SCAPER: variants seen among roughly 807,000 people sequenced by gnomAD.
SCAPER encodes the protein S phase cyclin A-associated protein in the endoplasmic reticulum.
Under a neutral mutation model 182.2 loss-of-function variants are expected in SCAPER, and 98 were observed. That is an observed-to-expected ratio of 0.54 (90% CI 0.46 to 0.64). SCAPER has a LOEUF of 0.64. Ranked by LOEUF, SCAPER falls within the 30% of genes least tolerant of loss-of-function variation. The pLI, the probability that SCAPER is intolerant of heterozygous loss-of-function variation, is 0.00. For synonymous variants in SCAPER, 605 were observed against 564.6 expected (o/e 1.07, Z -1.01); for missense variants, 1,432 against 1,690.0 (o/e 0.85, Z 2.68).
At chr15:76,469,225 C>G (rs1020400605) in intron 25 of SCAPER, among the ~76,000 whole-genome samples, 7 of 152,084 alleles carry the variant, frequency 4.6e-5, no homozygotes, top group South Asian at 2.1e-4. Context: ...ATTCCACTAC[C>G]AACATAGAAT....
intron 25 of SCAPER, among the ~76,000 whole-genome samples, chr15:76,464,131 C>T (rs1040610868): frequency 6.7e-6 from 1 of 149,850 alleles, no homozygotes; most frequent in East Asian, 2.0e-4. Flanking sequence ...TTTTTCATCT[C>T]ACTTGACTGA....
intron 27 of SCAPER, 74 bp downstream of exon 27, chr15:76,404,450 T>C (rs2044679422): frequency 7.1e-7 from 1 of 1,414,430 alleles, no homozygotes; most frequent in Non-Finnish European, 9.5e-7. Flanking sequence ...TCCTATGAAA[T>C]GACCCTAGAA....
chr15:76,532,932 A>G (rs1310910174), intron 23 of SCAPER, among the ~76,000 whole-genome samples: 1 of 152,232 alleles, frequency 6.6e-6, no homozygotes, highest in African/African-American at 2.4e-5. Flanking sequence ...TTTAACACTT[A>G]TTTAGCCCTA....
intron 20 of SCAPER, among the ~76,000 whole-genome samples, chr15:76,690,279 C>T (rs2058281937): frequency 6.6e-6 from 1 of 152,012 alleles, no homozygotes; most frequent in African/African-American, 2.4e-5. Context: ...AAATATACTT[C>T]AAGTCATCAG....
chr15:76,716,985 CT>C (rs1352356656), intron 17 of SCAPER, among the ~76,000 whole-genome samples: 1 of 151,948 alleles, frequency 6.6e-6, no homozygotes, highest in Non-Finnish European at 1.5e-5. Context: ...TATAATCAAA[CT>C]GGCAAAAGTG....
chr15:76,640,079 G>C (rs1207236227), intron 21 of SCAPER, among the ~76,000 whole-genome samples: 1 of 152,126 alleles, frequency 6.6e-6, no homozygotes, highest in Non-Finnish European at 1.5e-5. Context: ...TATATTAATT[G>C]CAATAATAAT....
intron 25 of SCAPER, among the ~76,000 whole-genome samples, chr15:76,441,078 C>T (rs1005710961): frequency 7.3e-5 from 11 of 151,722 alleles, no homozygotes; most frequent in Admixed American, 4.6e-4. Flanking sequence ...CCCGCCACCA[C>T]GCCCGGCTAA....
chr15:76,377,590 T>C (rs150893512), intron 28 of SCAPER, among the ~76,000 whole-genome samples: 35 of 152,304 alleles, frequency 2.3e-4, no homozygotes, highest in African/African-American at 7.5e-4. Context: ...CCTTCAATTG[T>C]AAAAACTGTC....
intron 17 of SCAPER, among the ~76,000 whole-genome samples, chr15:76,710,809 G>A (rs2059522541): frequency 6.6e-6 from 1 of 151,978 alleles, no homozygotes. Context: ...CAAAGAAGTT[G>A]GAGTATTTAT....
intron 15 of SCAPER, among the ~76,000 whole-genome samples, chr15:76,743,887 C>A (rs532294744): frequency 1.3e-5 from 2 of 152,170 alleles, no homozygotes; most frequent in African/African-American, 2.4e-5. Flanking sequence ...CGACTTCCAA[C>A]TATGCCACAA....
chr15:76,563,061 CATAAAGAA>C (rs1461714642), intron 23 of SCAPER, among the ~76,000 whole-genome samples: 1 of 151,894 alleles, frequency 6.6e-6, no homozygotes, highest in Non-Finnish European at 1.5e-5. Context: ...GTGATAAAAC[CATAAAGAA>C]AAGGAAGTCG....
At chr15:76,528,675 G>C (rs157792) in intron 23 of SCAPER, among the ~76,000 whole-genome samples, 149,337 of 152,322 alleles carry the variant, frequency 0.98, 73,266 homozygotes, top group South Asian at 1. Flanking sequence ...AGCTTAGAAG[G>C]TTTTCTGCTA....
At position 76,520,687 on chromosome 15, in the gene SCAPER, G is replaced by C. The variant is rs372484661; in HGVS notation, c.2839-15713C>G. On this transcript the variant is annotated intron_variant, in intron 23 of 31. Coordinates refer to ENST00000563290, the MANE Select transcript of SCAPER (RefSeq NM_020843.4). ...GCAAGAACTGTCTCATATCACAACA[G>C]CATGAGGTTGATACAATTACTATTC... is the stretch of plus-strand genomic sequence containing the variant. Among the ~76,000 whole-genome samples, 6 of 151,734 alleles carry C rather than the reference G, an allele frequency of 4.0e-5. No individual in the cohort carries two copies. The East Asian group carries it at 9.7e-4, about 24-fold the overall frequency.
chr15:76,426,676 G>A (rs1456823209), intron 26 of SCAPER, among the ~76,000 whole-genome samples: 2 of 151,924 alleles, frequency 1.3e-5, no homozygotes, highest in African/African-American at 4.8e-5. Flanking sequence ...ATCTCTGTCG[G>A]AATACCAATG....
intron 4 of SCAPER, among the ~76,000 whole-genome samples, chr15:76,857,031 T>C (rs2071442583): frequency 6.6e-6 from 1 of 152,118 alleles, no homozygotes; most frequent in African/African-American, 2.4e-5. Context: ...CCAAATATCT[T>C]TACCATCCTA....
chr15:76,711,461 AAAT>A (rs1414207925), intron 17 of SCAPER, among the ~76,000 whole-genome samples: 2 of 152,228 alleles, frequency 1.3e-5, no homozygotes, highest in Admixed American at 1.3e-4. Flanking sequence ...ATGAAAATTA[AAAT>A]AATGAAATAC....
intron 1 of SCAPER, among the ~76,000 whole-genome samples, chr15:76,895,962 C>T (rs1381780634): frequency 6.6e-6 from 1 of 151,790 alleles, no homozygotes; most frequent in Non-Finnish European, 1.5e-5. Flanking sequence ...ATGGTGTGAA[C>T]CCGGGAGGCA....
At chr15:76,488,968 C>T (rs933318073) in intron 24 of SCAPER, among the ~76,000 whole-genome samples, 2 of 151,120 alleles carry the variant, frequency 1.3e-5, no homozygotes, top group Admixed American at 6.6e-5. Context: ...GGTGATCCAC[C>T]TGTCTCAGCC....
intron 5 of SCAPER, among the ~76,000 whole-genome samples, 162 bp downstream of exon 5, chr15:76,841,572 G>A (rs762507117): frequency 1.3e-5 from 2 of 152,070 alleles, no homozygotes; most frequent in Non-Finnish European, 2.9e-5. Context: ...ACTTGAACCT[G>A]GGAGGCAGAG....
Sources: gnomAD v4.1 joint callset for allele counts (sites outside exome capture counted in the v4.1 genomes callset) on GRCh38, gnomAD v4.1.1 for gene constraint, MANE v1.5 for transcripts, NCBI Gene and HGNC (gene_info 2026-07-23, HGNC 2026-07-21) for gene names.